NEB: variants seen among roughly 807,000 people sequenced by gnomAD.
The protein encoded by NEB is nebulin.
In NEB, 512 loss-of-function variants were observed where a neutral mutation model predicts 952.2. That is an observed-to-expected ratio of 0.54 (90% CI 0.50 to 0.58). The LOEUF (loss-of-function observed/expected upper bound fraction) is 0.58. Ranked by LOEUF, NEB falls within the 20% of genes least tolerant of loss-of-function variation. The pLI is 0.00. For missense variants in NEB, 8,428 were observed against 9,231.1 expected, an observed-to-expected ratio of 0.91 and a Z score of 3.56; for synonymous variants, 2,900 against 3,149.8, an observed-to-expected ratio of 0.92 and a Z score of 2.66.
At chr2:151,650,925 G>C (rs769473157) in intron 52 of NEB, 40 bp from the exon 53 acceptor site, 3 of 1,505,666 alleles carry the variant, frequency 2.0e-6, no homozygotes, top group East Asian at 2.3e-5. Flanking sequence ...GTACACAAAG[G>C]CCAAGTTAAG....
rs765260693 is a variant in NEB, at chr2:151,706,866, C to G, written c.1152+15G>C. The stretch of plus-strand genomic sequence containing the variant: ...CAGCTAAGGTTTAAAAACACTTTGA[C>G]AAAAATATACTTACGTCACTTAGGG... On this transcript the variant is annotated intron_variant, in intron 13 of 181. Transcript: ENST00000397345. 2 of 1,564,742 alleles carry G rather than the reference C, an allele frequency of 1.3e-6. No individual in the cohort carries two copies. The highest frequency in any genetic ancestry group is 2.7e-5 in the African/African-American group (2 of 74,112).
intron 181 of NEB, 33 bp downstream of exon 181, chr2:151,489,938 A>T (rs773618785): frequency 6.7e-7 from 1 of 1,486,544 alleles, no homozygotes; most frequent in African/African-American, 1.4e-5. Flanking sequence ...AAAATTAAGA[A>T]TAATTTATTT....
At chr2:151,662,820 G>C (rs969096350) in intron 45 of NEB, among the ~76,000 whole-genome samples, 1 of 152,124 alleles carries the variant, frequency 6.6e-6, no homozygotes, top group Admixed American at 6.5e-5. Context: ...AAACCTTCCT[G>C]GTACTTTGTG....
intron 80 of NEB, 105 bp from the exon 81 acceptor site, chr2:151,610,225 T>G (rs781725715): frequency 3.1e-6 from 3 of 957,492 alleles, no homozygotes; most frequent in African/African-American, 1.7e-5. Flanking sequence ...ATTACAAACA[T>G]TTTGGCATCT....
intron 124 of NEB, among the ~76,000 whole-genome samples, chr2:151,559,034 C>A (rs1184281961): frequency 6.6e-6 from 1 of 152,200 alleles, no homozygotes; most frequent in Non-Finnish European, 1.5e-5. Context: ...TTTCTGCAAT[C>A]TATCCATCTG....
At chr2:151,641,285 C>A (rs568362014) in intron 60 of NEB, among the ~76,000 whole-genome samples, 31 of 152,258 alleles carry the variant, frequency 2.0e-4, no homozygotes, top group African/African-American at 7.2e-4. Flanking sequence ...ATAAGCATTT[C>A]TATGTGTCAT....
chr2:151,719,864 G>C (rs1405282423), intron 9 of NEB, among the ~76,000 whole-genome samples: 2 of 133,490 alleles, frequency 1.5e-5, no homozygotes, highest in Admixed American at 1.8e-4. Context: ...TCCAGCCTGG[G>C]TGAGAGAGTG....
chr2:151,689,802 T>G (rs1037613752), intron 24 of NEB: 11 of 152,240 alleles, frequency 7.2e-5, no homozygotes, highest in African/African-American at 2.7e-4. Flanking sequence ...TGTTCTTTAT[T>G]GGGACACAAA....
At chr2:151,614,715 C>T (rs2098133909) in intron 76 of NEB, 128 bp from the exon 77 acceptor site, 2 of 1,153,004 alleles carry the variant, frequency 1.7e-6, no homozygotes, top group Admixed American at 5.5e-5. Context: ...TGAGTATCAT[C>T]AACCCTATTT....
At chr2:151,692,194 G>T in intron 21 of NEB, 28 bp from the exon 22 acceptor site, 1 of 1,609,194 alleles carries the variant, frequency 6.2e-7, no homozygotes, top group Non-Finnish European at 8.5e-7. Flanking sequence ...TGTAATTCAA[G>T]TTAACAATCA....
chr2:151,666,469 A>G, intron 40 of NEB, 68 bp from the exon 41 acceptor site: 1 of 1,466,078 alleles, frequency 6.8e-7, no homozygotes, highest in Non-Finnish European at 9.2e-7. Flanking sequence ...GAATTTATAC[A>G]ACAAATTAAG....
chr2:151,575,301 A>G (rs2096788939), intron 107 of NEB, among the ~76,000 whole-genome samples: 1 of 152,064 alleles, frequency 6.6e-6, no homozygotes, highest in African/African-American at 2.4e-5. Context: ...GATTTTCTAG[A>G]AAACCCCCCG....
chr2:151,545,540 A>C (rs971694850), intron 135 of NEB, among the ~76,000 whole-genome samples: 3 of 152,048 alleles, frequency 2.0e-5, no homozygotes, highest in African/African-American at 7.2e-5. Context: ...GCGCCATTGC[A>C]CTTCAGACTG....
chr2:151,724,036 AG>A (rs1394711963), intron 8 of NEB, among the ~76,000 whole-genome samples: 1 of 151,872 alleles, frequency 6.6e-6, no homozygotes, highest in Non-Finnish European at 1.5e-5. Flanking sequence ...CTCTGCCCCC[AG>A]GTTGCTCAGG....
chr2:151,503,031 C>T, intron 166 of NEB, 146 bp from the exon 167 acceptor site: 2 of 604,648 alleles, frequency 3.3e-6, no homozygotes, highest in Middle Eastern at 2.8e-4. Context: ...ACTTTTTTCA[C>T]AGTTTTAATG....
Position 151,630,890 on chromosome 2 carries a change from G to T in NEB, c.9619-71C>A. 6.6e-6 allele frequency: 9 copies of T among 1,360,214 alleles called. No homozygotes were observed. The South Asian group carries it at 1.2e-4, about 18-fold the overall frequency. 84.3% of individuals were successfully genotyped at this position (1,360,214 alleles called of 1,614,324 possible). A position where few individuals can be genotyped will look rare whatever the true frequency, so the allele number is the denominator to read the frequency against. ...AATGACAAAAAGTTCATTTAAAACT[G>T]TTATTACTGACCTAATTAGGAAAAA... On this transcript the variant is annotated intron_variant, in intron 66 of 181. Transcript: ENST00000397345.
At chr2:151,679,289 G>A (rs900968960) in intron 32 of NEB, among the ~76,000 whole-genome samples, 2 of 152,156 alleles carry the variant, frequency 1.3e-5, no homozygotes, top group Non-Finnish European at 2.9e-5. Flanking sequence ...GGCTATTACA[G>A]GTGGTGAAAT....
chr2:151,509,429 C>G (rs977434953), intron 161 of NEB, among the ~76,000 whole-genome samples: 20 of 151,970 alleles, frequency 1.3e-4, no homozygotes, highest in African/African-American at 4.8e-4. Context: ...CAAAAGCTAC[C>G]TCAACTGGTT....
intron 36 of NEB, 58 bp from the exon 37 acceptor site, chr2:151,672,738 AT>A: frequency 7.1e-7 from 1 of 1,412,966 alleles, no homozygotes. Context: ...TAGCGCTGCA[AT>A]TACATTCACA....
Sources: allele counts gnomAD v4.1 joint callset (sites outside exome capture counted in the v4.1 genomes callset), GRCh38; gene constraint gnomAD v4.1.1; transcripts MANE v1.5; gene names NCBI Gene and HGNC (gene_info 2026-07-23, HGNC 2026-07-21).